NSUN6: variants seen among roughly 807,000 people sequenced by gnomAD.
NSUN6 encodes the protein tRNA (cytosine(72)-C(5))-methyltransferase NSUN6.
Under a neutral mutation model 58.0 loss-of-function variants are expected in NSUN6, and 64 were observed. The observed-to-expected ratio is 1.10, with a 90% CI of 0.90 to 1.36. The LOEUF is 1.36. Ranked by LOEUF, NSUN6 falls within the 40% of genes most tolerant of loss-of-function variation. NSUN6 has a pLI of 0.00. For synonymous variants in NSUN6, 231 were observed against 193.9 expected, an observed-to-expected ratio of 1.19 and a Z score of -1.59; for missense variants, 701 against 550.1, an observed-to-expected ratio of 1.27 and a Z score of -2.74.
At chr10:18,556,118 T>G (rs747760567) in intron 8 of NSUN6, among the ~76,000 whole-genome samples, 11 of 141,334 alleles carry the variant, frequency 7.8e-5, no homozygotes, top group East Asian at 2.2e-4. Flanking sequence ...AGAATGCAAT[T>G]GAATGGGATG....
chr10:18,546,393 T>A (rs1589799278), intron 10 of NSUN6, among the ~76,000 whole-genome samples: 1 of 152,294 alleles, frequency 6.6e-6, no homozygotes, highest in East Asian at 1.9e-4. Context: ...CACTGTGACA[T>A]TATCAAAGGC....
chr10:18,610,012 G>C (rs1252024937), intron 5 of NSUN6, 86 bp from the exon 6 acceptor site: 1 of 804,432 alleles, frequency 1.2e-6, no homozygotes, highest in African/African-American at 1.7e-5. Flanking sequence ...CCAATAGCCT[G>C]TCAAACATAA....
Position 18,546,163 on chromosome 10 carries a change from A to G in NSUN6, c.1198-18T>C, listed in dbSNP as rs1165040403. Reference sequence around the variant, plus strand: ...TGCGGTTCCTGTTTGGAGAAAGTGGATCAATATGGATGAACATCCTGTAAT... The same window carrying G: ...TGCGGTTCCTGTTTGGAGAAAGTGGGTCAATATGGATGAACATCCTGTAAT... On this transcript the variant is annotated intron_variant, in intron 10 of 10. Transcript: ENST00000377304. 2.0e-6 allele frequency: 3 copies of G among 1,509,580 alleles called. No individual in the cohort carries two copies. The highest frequency in any genetic ancestry group is 2.8e-6 in the Non-Finnish European group (3 of 1,084,500). 93.5% of individuals were successfully genotyped at this position (1,509,580 alleles called of 1,614,324 possible).
chr10:18,555,940 AAGG>A (rs2054982796), intron 8 of NSUN6, among the ~76,000 whole-genome samples: 1 of 131,030 alleles, frequency 7.6e-6, no homozygotes, highest in African/African-American at 2.7e-5. Context: ...TGGAGAATGG[AAGG>A]GAATGGAATG....
intron 8 of NSUN6, among the ~76,000 whole-genome samples, chr10:18,579,242 G>A (rs111563590): frequency 0.049 from 7,381 of 152,000 alleles, 277 homozygotes; most frequent in Non-Finnish European, 0.077. Flanking sequence ...GAGCGATCTC[G>A]GCTCACTGCA....
chr10:18,597,112 C>A (rs1194800087), intron 6 of NSUN6, among the ~76,000 whole-genome samples: 2 of 152,024 alleles, frequency 1.3e-5, no homozygotes, highest in Non-Finnish European at 2.9e-5. Flanking sequence ...CTGACTGGGA[C>A]CTAAATATAT....
intron 6 of NSUN6, among the ~76,000 whole-genome samples, chr10:18,600,993 T>TATACATA (rs1554870074): frequency 3.2e-5 from 4 of 126,396 alleles, no homozygotes; most frequent in Non-Finnish European, 5.0e-5. Context: ...TATATATATA[T>TATACATA]TATATACTAG....
intron 4 of NSUN6, among the ~76,000 whole-genome samples, chr10:18,615,673 C>T (rs554266204): frequency 4.6e-5 from 7 of 152,292 alleles, no homozygotes; most frequent in East Asian, 1.9e-4. Context: ...AGACGGAATA[C>T]GTTTTCTACA....
rs2056386226 is a variant in NSUN6 at position 18,571,876 on chromosome 10, A to G, written c.922+14073T>C. ...TCCATTACATTTTCCATTCCATTCT[A>G]TTCTCCATTCCATTCCATATTCTAT... On this transcript the variant is annotated intron_variant, in intron 8 of 10. Coordinates refer to ENST00000377304, the MANE Select transcript of NSUN6 (RefSeq NM_182543.5). Among the ~76,000 whole-genome samples, 4 of 144,790 alleles carry G rather than the reference A, an allele frequency of 2.8e-5. 1 individual carries two copies. Among genetic ancestry groups the G allele is most frequent in the Admixed American group, 2.1e-4 (3 of 14,468 alleles). 95.0% of individuals were successfully genotyped at this position (144,790 alleles called of 152,430 possible).
chr10:18,578,210 T>A (rs1564749829), intron 8 of NSUN6, among the ~76,000 whole-genome samples: 1 of 148,880 alleles, frequency 6.7e-6, no homozygotes, highest in Non-Finnish European at 1.5e-5. Flanking sequence ...CCCAGCTCCA[T>A]GGAGCCTCTT....
At chr10:18,593,918 G>T (rs1285448960) in intron 7 of NSUN6, among the ~76,000 whole-genome samples, 1 of 151,496 alleles carries the variant, frequency 6.6e-6, no homozygotes, top group East Asian at 1.9e-4. Flanking sequence ...ATGCATCGTG[G>T]GCCAGGCACA....
intron 8 of NSUN6, among the ~76,000 whole-genome samples, 166 bp from the exon 9 acceptor site, chr10:18,552,137 C>A (rs1450332724): frequency 6.6e-6 from 1 of 151,178 alleles, no homozygotes; most frequent in Non-Finnish European, 1.5e-5. Context: ...ATACCTAATA[C>A]AGATTTGATG....
intron 8 of NSUN6, among the ~76,000 whole-genome samples, chr10:18,555,950 A>G (rs1185782540): frequency 6.6e-6 from 1 of 150,866 alleles, no homozygotes. Context: ...AAGGGAATGG[A>G]ATGGAAAATG....
At chr10:18,589,089 C>A (rs759233148) in intron 7 of NSUN6, among the ~76,000 whole-genome samples, 6 of 152,124 alleles carry the variant, frequency 3.9e-5, no homozygotes, top group Non-Finnish European at 5.9e-5. Flanking sequence ...CCTGATGGAG[C>A]TGAAAAACAC....
rs182817400 is a variant in NSUN6 at position 18,616,614 on chromosome 10, G to C, written c.312-321C>G. Among the ~76,000 whole-genome samples, 294 of 152,226 alleles carry C rather than the reference G, an allele frequency of 1.9e-3. 3 individuals carry two copies. Among genetic ancestry groups the C allele is most frequent in the African/African-American group, 6.8e-3 (281 of 41,554 alleles). On this transcript the variant is annotated intron_variant, in intron 3 of 10. Coordinates refer to ENST00000377304, the MANE Select transcript of NSUN6 (RefSeq NM_182543.5). ...AAAATAGACTTTCTCTGTCTTCAAAGACTAAAATAGAAAAATACACAAGGA... is the reference window on the plus strand; with the variant it reads ...AAAATAGACTTTCTCTGTCTTCAAACACTAAAATAGAAAAATACACAAGGA...
At chr10:18,599,808 T>C (rs1171358305) in intron 6 of NSUN6, among the ~76,000 whole-genome samples, 1 of 152,220 alleles carries the variant, frequency 6.6e-6, no homozygotes, top group Non-Finnish European at 1.5e-5. Flanking sequence ...GCACCATTTT[T>C]TTCTTCCAGT....
chr10:18,547,401 G>A (rs975992792), intron 10 of NSUN6, among the ~76,000 whole-genome samples: 1 of 152,054 alleles, frequency 6.6e-6, no homozygotes, highest in Non-Finnish European at 1.5e-5. Flanking sequence ...CTTAATTTAC[G>A]AGACTAGAAA....
At chr10:18,616,445 A>T (rs1308951179) in intron 3 of NSUN6, 152 bp from the exon 4 acceptor site, 1 of 494,020 alleles carries the variant, frequency 2.0e-6, no homozygotes, top group African/African-American at 2.0e-5. Context: ...CATATAGAGG[A>T]AACAGGAAAA....
intron 8 of NSUN6, among the ~76,000 whole-genome samples, chr10:18,566,996 TTCCATTCCATTCTACTC>T (rs1236112130): frequency 1.1e-4 from 16 of 151,406 alleles, no homozygotes; most frequent in Non-Finnish European, 2.1e-4. Context: ...CACCACTGCA[TTCCATTCCATTCTACTC>T]TCCATTCCAT....
Sources: allele counts gnomAD v4.1 joint callset (sites outside exome capture counted in the v4.1 genomes callset), GRCh38; gene constraint gnomAD v4.1.1; transcripts MANE v1.5; gene names NCBI Gene and HGNC (gene_info 2026-07-23, HGNC 2026-07-21).